DAB1: variants seen among roughly 807,000 people sequenced by gnomAD.
DAB1 encodes DAB adaptor protein 1, also known as disabled homolog 1.
In DAB1, 15 loss-of-function variants were observed where a neutral mutation model predicts 64.6. The observed-to-expected ratio is 0.23, with a 90% confidence interval of 0.16 to 0.36. DAB1 has a LOEUF of 0.36. Among genes scored for constraint, DAB1 ranks in the 10% least tolerant of loss-of-function variants. The pLI is 1.00. For missense variants in DAB1, 596 were observed against 706.7 expected (o/e 0.84, Z 1.78); for synonymous variants, 235 against 251.9 (o/e 0.93, Z 0.64).
chr1:58,008,835 A>G (rs1402960825), intron 5 of DAB1, among the ~76,000 whole-genome samples: 2 of 152,146 alleles, frequency 1.3e-5, no homozygotes, highest in Non-Finnish European at 2.9e-5. Context: ...CAGAAGGTTC[A>G]AGTTTAAGTT....
intron 4 of DAB1, among the ~76,000 whole-genome samples, chr1:58,334,750 C>G (rs1663065535): frequency 6.6e-6 from 1 of 151,384 alleles, no homozygotes; most frequent in Non-Finnish European, 1.5e-5. Context: ...AAATGAGGTT[C>G]ACATCATTGT....
intron 6 of DAB1, among the ~76,000 whole-genome samples, chr1:57,757,087 A>G (rs1054715264): frequency 1.3e-5 from 2 of 152,076 alleles, no homozygotes; most frequent in African/African-American, 4.8e-5. Flanking sequence ...CTTAAGAATC[A>G]TCTGGGAATC....
At chr1:57,606,557 T>TTACA (rs1645646219) in intron 7 of DAB1, among the ~76,000 whole-genome samples, 1 of 109,178 alleles carries the variant, frequency 9.2e-6, no homozygotes. Flanking sequence ...ATATAATATA[T>TTACA]TATATATTAT....
At chr1:57,883,468 A>C (rs557259940) in intron 1 of DAB1, among the ~76,000 whole-genome samples, 3 of 152,250 alleles carry the variant, frequency 2.0e-5, no homozygotes. Context: ...AATAAGGCAG[A>C]GAGCACAACC....
intron 9 of DAB1, among the ~76,000 whole-genome samples, chr1:57,043,373 C>G (rs915309376): frequency 1.1e-4 from 16 of 152,180 alleles, no homozygotes; most frequent in Admixed American, 1.3e-4. Context: ...ATTCCTCTCT[C>G]TCCCACACTT....
chr1:57,683,156 T>G (rs190920254), intron 6 of DAB1, among the ~76,000 whole-genome samples: 1 of 152,258 alleles, frequency 6.6e-6, no homozygotes, highest in East Asian at 1.9e-4. Context: ...GAGCCCCTAC[T>G]CTTAGAACAC....
chr1:57,136,717 G>A (rs909800634), intron 3 of DAB1, 76 bp from the exon 4 acceptor site: 17 of 889,794 alleles, frequency 1.9e-5, no homozygotes, highest in African/African-American at 8.5e-5. Context: ...AGGTATGTCC[G>A]ATACCATCAA....
At chr1:58,321,698 C>G (rs536790820) in intron 4 of DAB1, among the ~76,000 whole-genome samples, 1 of 152,392 alleles carries the variant, frequency 6.6e-6, no homozygotes, top group South Asian at 2.1e-4. Flanking sequence ...AGGCAGCAGC[C>G]TGGCCCAGGG....
At chr1:58,405,470 A>G (rs1281632017) in intron 3 of DAB1, among the ~76,000 whole-genome samples, 1 of 151,820 alleles carries the variant, frequency 6.6e-6, no homozygotes, top group Non-Finnish European at 1.5e-5. Flanking sequence ...AGCTCAAGTG[A>G]TCCTCCCATC....
intron 5 of DAB1, among the ~76,000 whole-genome samples, chr1:58,067,484 C>A (rs1382458321): frequency 6.6e-6 from 1 of 152,150 alleles, no homozygotes. Context: ...AAAACACCTA[C>A]CACAGATTCC....
intron 5 of DAB1, among the ~76,000 whole-genome samples, chr1:58,035,339 A>G (rs1170868238): frequency 6.6e-6 from 1 of 152,254 alleles, no homozygotes; most frequent in Non-Finnish European, 1.5e-5. Flanking sequence ...TCACAAGCAG[A>G]TAAACAGTTT....
intron 5 of DAB1, among the ~76,000 whole-genome samples, chr1:58,132,324 C>T (rs981497954): frequency 2.0e-5 from 3 of 152,176 alleles, no homozygotes; most frequent in East Asian, 1.9e-4. Flanking sequence ...AGCTCGCGCA[C>T]GGTGCACGCA....
intron 5 of DAB1, among the ~76,000 whole-genome samples, chr1:58,143,279 G>A (rs182377818): frequency 4.4e-4 from 67 of 152,176 alleles, no homozygotes; most frequent in African/African-American, 1.6e-3. Flanking sequence ...AATCTAGAGT[G>A]GAAAAGAAGA....
intron 6 of DAB1, among the ~76,000 whole-genome samples, chr1:57,713,208 T>A (rs1036359278): frequency 6.6e-6 from 1 of 152,158 alleles, no homozygotes; most frequent in Non-Finnish European, 1.5e-5. Flanking sequence ...CAAATAAGCA[T>A]AACATCCTTA....
intron 4 of DAB1, among the ~76,000 whole-genome samples, chr1:58,166,600 G>A (rs889425254): frequency 2.0e-5 from 3 of 151,926 alleles, no homozygotes; most frequent in Non-Finnish European, 4.4e-5. Context: ...ATGCTGCCAC[G>A]TGCATTCCCA....
intron 5 of DAB1, among the ~76,000 whole-genome samples, chr1:57,930,798 T>C (rs1644943082): frequency 1.3e-5 from 2 of 152,202 alleles, no homozygotes; most frequent in Admixed American, 1.3e-4. Flanking sequence ...TATTACATAA[T>C]CTCCAAACAA....
chr1:57,263,121 T>TTTA (rs1553162142), intron 2 of DAB1, among the ~76,000 whole-genome samples: 4 of 39,722 alleles, frequency 1.0e-4, no homozygotes, highest in Non-Finnish European at 1.9e-4. Flanking sequence ...GAAGATAAAA[T>TTTA]TTTTTTTTTT....
At chr1:57,509,868 A>T (rs1023691058) in intron 7 of DAB1, among the ~76,000 whole-genome samples, 3 of 152,190 alleles carry the variant, frequency 2.0e-5, no homozygotes, top group African/African-American at 7.2e-5. Context: ...CAAATGACAG[A>T]CGAAAACCTT....
chr1:58,385,760 C>A (rs1468879279), intron 3 of DAB1, among the ~76,000 whole-genome samples: 1 of 152,198 alleles, frequency 6.6e-6, no homozygotes, highest in Admixed American at 6.5e-5. Flanking sequence ...TAAATCAGAC[C>A]CTTCTGCTTC....
Sources: allele counts gnomAD v4.1 joint callset (sites outside exome capture counted in the v4.1 genomes callset), GRCh38; gene constraint gnomAD v4.1.1; transcripts MANE v1.5; gene names NCBI Gene and HGNC (gene_info 2026-07-23, HGNC 2026-07-21).